The following ACVR1 variants were observed in gnomAD, a reference collection of about 807,000 sequenced individuals.
ACVR1 encodes the protein activin receptor type-1.
In ACVR1, 38 loss-of-function variants were observed where a neutral mutation model predicts 57.1. That is an observed-to-expected ratio of 0.67 (90% CI 0.51 to 0.87). The LOEUF (loss-of-function observed/expected upper bound fraction) is 0.87. Ranked by LOEUF, ACVR1 falls within the 40% of genes least tolerant of loss-of-function variation. The pLI is 0.00. For synonymous variants in ACVR1, 212 were observed against 228.1 expected (o/e 0.93, Z 0.63); for missense variants, 463 against 638.2 (o/e 0.73, Z 2.96).
intron 1 of ACVR1, among the ~76,000 whole-genome samples, chr2:157,828,276 C>T (rs1163536029): frequency 6.6e-6 from 1 of 151,858 alleles, no homozygotes; most frequent in Non-Finnish European, 1.5e-5. Context: ...GGTGAAACCC[C>T]GTCTCTACAA....
At chr2:157,813,472 C>A (rs989158454) in intron 2 of ACVR1, among the ~76,000 whole-genome samples, 3 of 152,184 alleles carry the variant, frequency 2.0e-5, no homozygotes, top group African/African-American at 7.2e-5. Context: ...GTCTGCATTG[C>A]GGCTAGATGT....
At chr2:157,844,794 G>T (rs367567928) in intron 1 of ACVR1, among the ~76,000 whole-genome samples, 10 of 152,174 alleles carry the variant, frequency 6.6e-5, no homozygotes, top group African/African-American at 2.2e-4. Flanking sequence ...TATTAAGAGG[G>T]GGGGAGCCTT....
Position 157,795,546 on chromosome 2 carries a change from A to G in ACVR1, c.67+3881T>C, listed in dbSNP as rs78716714. ...ATTCCATTTTTTTAAAAAAACAGCAATTGCAATTAAAGTATGATATGCTCT... is the reference window on the plus strand; with the variant it reads ...ATTCCATTTTTTTAAAAAAACAGCAGTTGCAATTAAAGTATGATATGCTCT... On this transcript the variant is annotated intron_variant, in intron 3 of 10. Transcript: ENST00000434821. Among the ~76,000 whole-genome samples the G allele has an allele frequency of 5.7e-3, 861 of 152,140 alleles. 7 individuals are homozygous for G. Among genetic ancestry groups the G allele is most frequent in the African/African-American group, 0.019 (804 of 41,492 alleles).
At chr2:157,745,869 T>G (rs937645643) in intron 9 of ACVR1, among the ~76,000 whole-genome samples, 9 of 152,216 alleles carry the variant, frequency 5.9e-5, no homozygotes, top group Non-Finnish European at 1.3e-4. Flanking sequence ...CACAAGCAGC[T>G]CCCTGGCTGA....
intron 3 of ACVR1, among the ~76,000 whole-genome samples, chr2:157,790,757 G>A (rs1000011250): frequency 6.6e-6 from 1 of 152,126 alleles, no homozygotes; most frequent in Non-Finnish European, 1.5e-5. Context: ...AGGAGGATTA[G>A]TTTTTCCCAT....
chr2:157,760,785 C>T, intron 9 of ACVR1, 95 bp downstream of exon 9: 1 of 1,235,632 alleles, frequency 8.1e-7, no homozygotes, highest in Non-Finnish European at 1.2e-6. Context: ...ATTCAAAGAA[C>T]AATGTGAATT....
At chr2:157,840,213 A>T (rs1688931822) in intron 1 of ACVR1, among the ~76,000 whole-genome samples, 1 of 152,206 alleles carries the variant, frequency 6.6e-6, no homozygotes, top group Admixed American at 6.5e-5. Flanking sequence ...GGCTCTAGGG[A>T]CACTGCTTGA....
intron 9 of ACVR1, among the ~76,000 whole-genome samples, chr2:157,741,420 G>A (rs1049825263): frequency 5.9e-5 from 9 of 151,936 alleles, no homozygotes; most frequent in Non-Finnish European, 1.2e-4. Flanking sequence ...GAGGTCAAGA[G>A]ATCAAGACCA....
rs1301430724 is a variant in ACVR1 at position 157,736,610 on chromosome 2, G to T, written c.*921C>A. The T allele has an allele frequency of 3.2e-6, 1 of 308,402 alleles. No homozygotes were observed. The highest frequency in any genetic ancestry group is 6.0e-6 in the Non-Finnish European group (1 of 167,578). The allele number at this position is 308,402 out of a possible 1,614,324, so 19.1% of individuals were successfully genotyped here. On this transcript the variant is annotated 3_prime_UTR_variant, in exon 11 of 11. Transcript: ENST00000434821. ...TAGCGTTCAGGACTAAAATTCTACT[G>T]AAATCTTTGCTTCTAAATCAGTAAT...
intron 9 of ACVR1, among the ~76,000 whole-genome samples, chr2:157,741,289 T>C (rs1684749846): frequency 6.6e-6 from 1 of 152,192 alleles, no homozygotes; most frequent in African/African-American, 2.4e-5. Context: ...ATTGACTCAA[T>C]GGCCATTTTG....
chr2:157,740,282 C>T (rs1024401086), intron 9 of ACVR1, among the ~76,000 whole-genome samples: 2 of 152,036 alleles, frequency 1.3e-5, no homozygotes, highest in Non-Finnish European at 2.9e-5. Context: ...CCTTTCCTGG[C>T]AAATCATAAA....
At chr2:157,856,718 T>A (rs1558849568) in intron 1 of ACVR1, among the ~76,000 whole-genome samples, 1 of 152,148 alleles carries the variant, frequency 6.6e-6, no homozygotes. Context: ...TATAGATGAT[T>A]TCTGGTATCA....
intron 1 of ACVR1, among the ~76,000 whole-genome samples, chr2:157,866,673 A>G (rs190674520): frequency 6.6e-6 from 1 of 152,332 alleles, no homozygotes. Flanking sequence ...GACATAAGAT[A>G]CAGGTGTCAC....
At chr2:157,849,667 T>C (rs971746096) in intron 1 of ACVR1, among the ~76,000 whole-genome samples, 1 of 152,254 alleles carries the variant, frequency 6.6e-6, no homozygotes, top group Non-Finnish European at 1.5e-5. Context: ...AAAAATATTC[T>C]ACACATAGAT....
In ACVR1 at chr2:157,799,467, A is replaced by G. The variant is rs368327202; in HGVS notation, c.27T>C (p.Pro9=). Residue 9 remains proline, a synonymous_variant, in exon 3 of 11, where the codon CCT becomes CCC. Transcript: ENST00000434821. ...AGGGGAGAGCAATCATGATAAGCAC[A>G]GGAAGAATCATCACTCCATCTACCA... is the stretch of plus-strand genomic sequence containing the variant. The part of the protein sequence containing the change: MVDGVMIL[P]VLIMIALPSP... The G allele has an allele frequency of 2.7e-5, 44 of 1,612,480 alleles. No individual in the cohort carries two copies. Among genetic ancestry groups the G allele is most frequent in the Non-Finnish European group, 3.6e-5 (42 of 1,178,854 alleles).
chr2:157,754,004 A>G (rs1317322265), intron 9 of ACVR1, among the ~76,000 whole-genome samples: 3 of 152,234 alleles, frequency 2.0e-5, no homozygotes, highest in Non-Finnish European at 4.4e-5. Flanking sequence ...CTGCTCCTCA[A>G]TGATCACTGG....
intron 2 of ACVR1, among the ~76,000 whole-genome samples, chr2:157,809,883 T>A (rs930160022): frequency 2.6e-5 from 4 of 152,056 alleles, no homozygotes; most frequent in Non-Finnish European, 5.9e-5. Flanking sequence ...AAGACCAGCA[T>A]GGGCAACACA....
At chr2:157,834,876 G>A (rs1400909792) in intron 1 of ACVR1, among the ~76,000 whole-genome samples, 2 of 152,076 alleles carry the variant, frequency 1.3e-5, no homozygotes, top group African/African-American at 4.8e-5. Flanking sequence ...AGAGACCCCA[G>A]ATAGCTACCT....
chr2:157,773,972 A>C, intron 6 of ACVR1, 116 bp downstream of exon 6: 3 of 842,458 alleles, frequency 3.6e-6, no homozygotes, highest in Non-Finnish European at 5.8e-6. Context: ...ACATCTCATA[A>C]GTTTAATAAG....
Sources: gnomAD v4.1 joint callset for allele counts (sites outside exome capture counted in the v4.1 genomes callset) on GRCh38, gnomAD v4.1.1 for gene constraint, MANE v1.5 for transcripts, NCBI Gene and HGNC (gene_info 2026-07-23, HGNC 2026-07-21) for gene names.